SCNN1B: variants seen among roughly 807,000 people sequenced by gnomAD.
The protein encoded by SCNN1B is epithelial sodium channel subunit beta.
SCNN1B carries 46 observed loss-of-function variants against 65.3 expected under a neutral mutation model. The observed-to-expected ratio is 0.70, with a 90% CI of 0.56 to 0.90. SCNN1B has a LOEUF of 0.90. Ranked by LOEUF, SCNN1B falls within the 40% of genes least tolerant of loss-of-function variation. SCNN1B has a pLI of 0.00. For synonymous variants in SCNN1B, 349 were observed against 330.6 expected (o/e 1.06, Z -0.60); for missense variants, 751 against 830.5 (o/e 0.90, Z 1.18).
chr16:23,301,246 C>T (rs1596814506), upstream of SCNN1B, among the ~76,000 whole-genome samples: 1 of 151,584 alleles, frequency 6.6e-6, no homozygotes, highest in Admixed American at 6.6e-5. Context: ...CCTGTAATCC[C>T]AGCTACTAGG....
At chr16:23,353,845 G>A (rs1004352721) in intron 3 of SCNN1B, among the ~76,000 whole-genome samples, 2 of 152,216 alleles carry the variant, frequency 1.3e-5, no homozygotes, top group Admixed American at 1.3e-4. Flanking sequence ...GCCTAGAAGT[G>A]GGGAGAAGGT....
chr16:23,323,829 G>A (rs1366653743), intron 1 of SCNN1B, among the ~76,000 whole-genome samples: 1 of 152,166 alleles, frequency 6.6e-6, no homozygotes, highest in Non-Finnish European at 1.5e-5. Flanking sequence ...GGAAGTGCAG[G>A]CCAAAGACTG....
intron 7 of SCNN1B, among the ~76,000 whole-genome samples, chr16:23,373,435 C>T (rs1208626318): frequency 6.6e-6 from 1 of 152,242 alleles, no homozygotes. Flanking sequence ...CTGGAAGTCC[C>T]TCTTTGCATC....
chr16:23,317,562 C>A (rs924661315), intron 1 of SCNN1B, among the ~76,000 whole-genome samples: 1 of 152,136 alleles, frequency 6.6e-6, no homozygotes, highest in African/African-American at 2.4e-5. Context: ...CCAATCCGGT[C>A]TGAGAGAGAG....
chr16:23,374,172 G>A (rs1435225563), intron 7 of SCNN1B, among the ~76,000 whole-genome samples: 3 of 149,516 alleles, frequency 2.0e-5, no homozygotes, highest in East Asian at 2.0e-4. Context: ...AGGCTGAGGC[G>A]GGAGGATCAC....
intron 7 of SCNN1B, among the ~76,000 whole-genome samples, chr16:23,373,033 G>A (rs1962818119): frequency 1.3e-5 from 2 of 152,072 alleles, no homozygotes; most frequent in Admixed American, 1.3e-4. Flanking sequence ...CTTGAACCCG[G>A]GAGGCGGAGG....
At chr16:23,287,310 T>C (rs1283759655) in intron 2 of SCNN1B, among the ~76,000 whole-genome samples, 1 of 151,844 alleles carries the variant, frequency 6.6e-6, no homozygotes, top group Non-Finnish European at 1.5e-5. Context: ...CTGCCAAAAA[T>C]TAATTTTTTT....
intron 2 of SCNN1B, among the ~76,000 whole-genome samples, chr16:23,289,602 G>C (rs1442742561): frequency 6.7e-6 from 1 of 149,340 alleles, no homozygotes; most frequent in African/African-American, 2.5e-5. Flanking sequence ...GAACCAGAGA[G>C]AAAGGATGGA....
intron 4 of SCNN1B, among the ~76,000 whole-genome samples, chr16:23,362,147 C>T (rs1962565863): frequency 6.6e-6 from 1 of 151,918 alleles, no homozygotes; most frequent in African/African-American, 2.4e-5. Flanking sequence ...GAGTTTGACA[C>T]CGGTCTGGCC....
At chr16:23,372,700 G>A (rs1962810472) in intron 7 of SCNN1B, among the ~76,000 whole-genome samples, 1 of 150,366 alleles carries the variant, frequency 6.7e-6, no homozygotes, top group South Asian at 2.1e-4. Flanking sequence ...TCACCAAGTT[G>A]GCCAGGCTGG....
intron 1 of SCNN1B, among the ~76,000 whole-genome samples, chr16:23,315,752 C>A (rs115529326): frequency 0.015 from 2,297 of 152,236 alleles, 60 homozygotes; most frequent in African/African-American, 0.048. Context: ...TGCAGTGAGC[C>A]GTGATCGTGC....
At chr16:23,305,065 G>A (rs1345533413) in intron 1 of SCNN1B, among the ~76,000 whole-genome samples, 5 of 152,098 alleles carry the variant, frequency 3.3e-5, no homozygotes, top group Non-Finnish European at 7.4e-5. Context: ...ACAGACCAGA[G>A]GGTCCTTTGC....
intron 1 of SCNN1B, among the ~76,000 whole-genome samples, chr16:23,316,908 C>T (rs1197757283): frequency 6.6e-6 from 1 of 151,810 alleles, no homozygotes; most frequent in Admixed American, 6.6e-5. Context: ...ACCATCACCT[C>T]CATTATCACC....
At chr16:23,314,000 T>A (rs1280967788) in intron 1 of SCNN1B, among the ~76,000 whole-genome samples, 3 of 152,070 alleles carry the variant, frequency 2.0e-5, no homozygotes, top group South Asian at 2.1e-4. Context: ...TACAGTTTTT[T>A]AATTATTAAT....
intron 2 of SCNN1B, among the ~76,000 whole-genome samples, chr16:23,291,479 T>A (rs965859768): frequency 6.7e-6 from 1 of 149,592 alleles, no homozygotes; most frequent in African/African-American, 2.5e-5. Context: ...TGTGTAAGTG[T>A]GTGTGTGTGT....
intron 1 of SCNN1B, among the ~76,000 whole-genome samples, chr16:23,337,934 G>A (rs577133953): frequency 5.1e-4 from 77 of 152,022 alleles, no homozygotes; most frequent in Middle Eastern, 3.4e-3. Context: ...AAAATTAGCC[G>A]GGTGGCACGC....
At chr16:23,286,954 G>A (rs879500118) in intron 2 of SCNN1B, among the ~76,000 whole-genome samples, 1 of 151,136 alleles carries the variant, frequency 6.6e-6, no homozygotes, top group African/African-American at 2.4e-5. Flanking sequence ...TTAGTTTTTT[G>A]TTGTTGTTGT....
intron 1 of SCNN1B, among the ~76,000 whole-genome samples, chr16:23,281,871 A>C (rs1960788809): frequency 6.6e-6 from 1 of 152,110 alleles, no homozygotes; most frequent in Non-Finnish European, 1.5e-5. Context: ...GTGCTTGTTT[A>C]TATGTGGAAA....
chr16:23,283,230 G>GT (rs1282407709), intron 1 of SCNN1B, among the ~76,000 whole-genome samples: 1 of 152,176 alleles, frequency 6.6e-6, no homozygotes. Context: ...GGCCAACATG[G>GT]TGAAACCCCA....
Sources: gnomAD v4.1 joint callset for allele counts (sites outside exome capture counted in the v4.1 genomes callset) on GRCh38, gnomAD v4.1.1 for gene constraint, MANE v1.5 for transcripts, NCBI Gene and HGNC (gene_info 2026-07-23, HGNC 2026-07-21) for gene names.